The following FRMPD4 variants were observed in gnomAD, a reference collection of about 807,000 sequenced individuals.
FRMPD4 encodes FERM and PDZ domain containing 4.
A neutral mutation model predicts 94.1 loss-of-function variants in FRMPD4; 22 were observed. That is an observed-to-expected ratio of 0.23 (90% confidence interval 0.17 to 0.33). FRMPD4 has a LOEUF of 0.33. FRMPD4 is among the 10% of genes least tolerant of loss of function. The probability of loss-of-function intolerance (pLI) is 1.00; values close to 1 mark genes in which losing one functional copy is unlikely to be tolerated. For synonymous variants in FRMPD4, 631 were observed against 548.6 expected (o/e 1.15, Z -2.10); for missense variants, 1,111 against 1,339.9 (o/e 0.83, Z 2.67).
Position 12,588,270 on chromosome X carries a change from G to A in FRMPD4, c.159-21451G>A, listed in dbSNP as rs183391750. Among the ~76,000 whole-genome samples the A allele has an allele frequency of 2.0e-4, 23 of 112,599 alleles. No homozygotes were observed. In the East Asian group the frequency reaches 4.7e-3, roughly 23 times the overall value. ...CTCCCAAAGTGCTGGGATTACAGGC[G>A]TGAGCCACCACGCTCAGCCTGAGAA... On this transcript the variant is annotated intron_variant, in intron 2 of 16. Transcript: ENST00000675598.
At chrX:12,387,070 A>C (rs2056406459) in intron 1 of FRMPD4, among the ~76,000 whole-genome samples, 1 of 112,306 alleles carries the variant, frequency 8.9e-6, no homozygotes, top group Admixed American at 9.4e-5. Context: ...TTTAGTTTTA[A>C]CTTTGTGTTC....
chrX:12,066,868 T>G, intron 3 of FRMPD4, among the ~76,000 whole-genome samples: 1 of 101,708 alleles, frequency 9.8e-6, no homozygotes, highest in Non-Finnish European at 2.0e-5. Context: ...GTTTTTTGTT[T>G]TTGTTTTTGT....
intron 1 of FRMPD4, among the ~76,000 whole-genome samples, chrX:12,187,372 GT>G (rs775052001): frequency 9.0e-6 from 1 of 111,641 alleles, no homozygotes; most frequent in Non-Finnish European, 1.9e-5. Context: ...ATGAGTGTGA[GT>G]TTTTTTCCAT....
At chrX:12,455,218 C>G (rs1322697903) in intron 1 of FRMPD4, among the ~76,000 whole-genome samples, 1 of 111,390 alleles carries the variant, frequency 9.0e-6, no homozygotes. Flanking sequence ...GCACCCTGTG[C>G]TTCTTCCACT....
chrX:12,235,031 C>T (rs1198717126), intron 1 of FRMPD4, among the ~76,000 whole-genome samples: 1 of 112,154 alleles, frequency 8.9e-6, no homozygotes, highest in African/African-American at 3.2e-5. Context: ...TGTGCTAACT[C>T]TGTGCTAAGC....
chrX:12,434,619 G>A (rs749495838), intron 1 of FRMPD4, among the ~76,000 whole-genome samples: 7 of 112,454 alleles, frequency 6.2e-5, no homozygotes, highest in Non-Finnish European at 1.1e-4. Context: ...AGCTTTGAAT[G>A]CCATACCCCT....
chrX:12,508,539 T>G (rs2058008672), intron 2 of FRMPD4, among the ~76,000 whole-genome samples: 1 of 112,257 alleles, frequency 8.9e-6, no homozygotes, highest in African/African-American at 3.2e-5. Context: ...AATAGATGTT[T>G]AGATGTATGT....
chrX:12,192,552 G>T (rs2056504103), intron 1 of FRMPD4, among the ~76,000 whole-genome samples: 1 of 111,664 alleles, frequency 9.0e-6, no homozygotes. Flanking sequence ...CTTTCACCTT[G>T]CCAGTCAAGC....
At chrX:11,915,986 C>A (rs752369337) in intron 3 of FRMPD4, among the ~76,000 whole-genome samples, 3 of 112,427 alleles carry the variant, frequency 2.7e-5, no homozygotes, top group African/African-American at 9.7e-5. Flanking sequence ...AGACATTTCA[C>A]AGAACATTTT....
intron 2 of FRMPD4, among the ~76,000 whole-genome samples, chrX:12,603,509 C>T (rs754393550): frequency 5.4e-5 from 6 of 112,086 alleles, no homozygotes; most frequent in African/African-American, 1.9e-4. Flanking sequence ...GGGAGTTAGG[C>T]AGCAGGATTT....
chrX:12,543,297 C>T (rs946822630), intron 2 of FRMPD4, among the ~76,000 whole-genome samples: 14 of 111,352 alleles, frequency 1.3e-4, no homozygotes, highest in African/African-American at 2.9e-4. Context: ...TCAGAGTGAA[C>T]GGGCAACCTA....
intron 3 of FRMPD4, among the ~76,000 whole-genome samples, chrX:11,893,774 G>C (rs1028110100): frequency 6.3e-5 from 7 of 111,502 alleles, no homozygotes; most frequent in African/African-American, 2.0e-4. Context: ...ACCATCCAAG[G>C]ATTCCCTTCT....
intron 2 of FRMPD4, among the ~76,000 whole-genome samples, chrX:12,595,279 T>C (rs1327643796): frequency 8.9e-6 from 1 of 111,812 alleles, no homozygotes. Context: ...TTATCCTGGG[T>C]CATTGATTTG....
chrX:12,662,486 A>G (rs1442359572), intron 4 of FRMPD4, among the ~76,000 whole-genome samples: 1 of 111,703 alleles, frequency 9.0e-6, no homozygotes, highest in Non-Finnish European at 1.9e-5. Flanking sequence ...TTTGCTGAGA[A>G]TGATTGTTTC....
chrX:12,605,755 C>T (rs1357334583), intron 2 of FRMPD4, among the ~76,000 whole-genome samples: 3 of 110,832 alleles, frequency 2.7e-5, no homozygotes, highest in Non-Finnish European at 5.7e-5. Flanking sequence ...GTGCTCCCCC[C>T]GAAACGTTTC....
intron 1 of FRMPD4, among the ~76,000 whole-genome samples, chrX:12,166,956 G>A (rs1364860395): frequency 9.1e-6 from 1 of 110,099 alleles, no homozygotes; most frequent in African/African-American, 3.3e-5. Flanking sequence ...TTCTTTATTA[G>A]TCTTGCTAGT....
At chrX:12,182,832 C>T (rs746413869) in intron 1 of FRMPD4, among the ~76,000 whole-genome samples, 4 of 111,435 alleles carry the variant, frequency 3.6e-5, no homozygotes, top group African/African-American at 9.8e-5. Context: ...ACAAATCTGA[C>T]ACTTTCGTGG....
intron 1 of FRMPD4, among the ~76,000 whole-genome samples, chrX:12,290,066 C>T (rs1054440625): frequency 5.4e-5 from 6 of 111,728 alleles, no homozygotes; most frequent in Admixed American, 9.5e-5. Flanking sequence ...GGGTTCTGCT[C>T]CCACATAGTA....
At chrX:12,525,920 G>T (rs1367895570) in intron 2 of FRMPD4, among the ~76,000 whole-genome samples, 1 of 112,358 alleles carries the variant, frequency 8.9e-6, no homozygotes, top group Non-Finnish European at 1.9e-5. Context: ...GACCATTTGT[G>T]TATCTGTTTT....
Sources: gnomAD v4.1 joint callset for allele counts (sites outside exome capture counted in the v4.1 genomes callset) on GRCh38, gnomAD v4.1.1 for gene constraint, MANE v1.5 for transcripts, NCBI Gene and HGNC (gene_info 2026-07-23, HGNC 2026-07-21) for gene names.